Variants in SDK1 observed in about 807,000 individuals in gnomAD.
SDK1 encodes sidekick cell adhesion molecule 1, also known as protein sidekick-1.
Under a neutral mutation model 245.5 loss-of-function variants are expected in SDK1, and 157 were observed. The observed-to-expected ratio is 0.64, with a 90% CI of 0.56 to 0.73. The LOEUF is 0.73. Among genes scored for constraint, SDK1 ranks in the 30% least tolerant of loss-of-function variants. The probability of loss-of-function intolerance (pLI) is 0.00; values close to 1 mark genes in which losing one functional copy is unlikely to be tolerated. For synonymous variants in SDK1, 1,647 were observed against 1,278.5 expected (o/e 1.29, Z -6.15); for missense variants, 3,583 against 3,002.3 (o/e 1.19, Z -4.52).
In SDK1 at chr7:4,095,636, G is replaced by A. The variant is rs754449632; in HGVS notation, c.3325-15027G>A. 1.2e-4 allele frequency among the ~76,000 whole-genome samples: 19 copies of A among 152,106 alleles called. No individual in the cohort carries two copies. In the Middle Eastern group the frequency reaches 0.01, roughly 82 times the overall value. Reference sequence around the variant, plus strand: ...CTCACAGGCTGGAGTGCAGTGGCGCGATCTCAGCTCACTGCAACCTCCACC... The same window carrying A: ...CTCACAGGCTGGAGTGCAGTGGCGCAATCTCAGCTCACTGCAACCTCCACC... On this transcript the variant is annotated intron_variant, in intron 22 of 44. Transcript: ENST00000404826.
chr7:3,378,505 T>G (rs1053982350), intron 1 of SDK1, among the ~76,000 whole-genome samples: 1 of 151,990 alleles, frequency 6.6e-6, no homozygotes, highest in African/African-American at 2.4e-5. Flanking sequence ...GGGTCAGGAG[T>G]GTACACATAC....
intron 1 of SDK1, among the ~76,000 whole-genome samples, chr7:3,440,675 C>T (rs1583861462): frequency 6.6e-6 from 1 of 152,072 alleles, no homozygotes; most frequent in Non-Finnish European, 1.5e-5. Flanking sequence ...GGTGAACGTT[C>T]TTGACTTAAG....
chr7:3,355,204 A>T (rs1375812075), intron 1 of SDK1, among the ~76,000 whole-genome samples: 1 of 152,232 alleles, frequency 6.6e-6, no homozygotes, highest in African/African-American at 2.4e-5. Flanking sequence ...ATTCTCTGAA[A>T]CTAGACCTAA....
In SDK1 at chr7:3,421,695, T is replaced by C. The variant is rs1779540823; in HGVS notation, c.298+119811T>C. 2.0e-5 allele frequency among the ~76,000 whole-genome samples: 3 copies of C among 152,174 alleles called. No individual in the cohort carries two copies. In the East Asian group the frequency reaches 5.8e-4, roughly 29 times the overall value. ...GGCAGTGAGGTAGCTTTCTGTTGGC[T>C]CTTAGATGGGATCACATTCTTTGGG... On this transcript the variant is annotated intron_variant, in intron 1 of 44. Transcript: ENST00000404826.
At position 3,901,289 on chromosome 7, in the gene SDK1, C is replaced by T. The variant is rs193294966; in HGVS notation, c.848-49634C>T. ...GCAACCTCCGCCTCCCGGGTTCAAG[C>T]GATTCTCCTGCCTCAGCCTCCCGAG... On this transcript the variant is annotated intron_variant, in intron 5 of 44. Coordinates refer to ENST00000404826, the MANE Select transcript of SDK1 (RefSeq NM_152744.4). Among the ~76,000 whole-genome samples, 501 of 152,132 alleles carry T rather than the reference C, an allele frequency of 3.3e-3. 6 individuals carry two copies. The highest frequency in any genetic ancestry group is 0.012 in the African/African-American group (480 of 41,482).
intron 1 of SDK1, among the ~76,000 whole-genome samples, chr7:3,406,337 A>T (rs565923738): frequency 6.6e-6 from 1 of 152,334 alleles, no homozygotes; most frequent in South Asian, 2.1e-4. Flanking sequence ...CCCAGACAAT[A>T]TAAATAGCCC....
intron 1 of SDK1, among the ~76,000 whole-genome samples, chr7:3,504,565 G>C (rs1460205590): frequency 2.6e-5 from 4 of 152,114 alleles, no homozygotes; most frequent in African/African-American, 2.4e-5. Flanking sequence ...AACTGGGTAA[G>C]AATAGTCTTG....
chr7:3,962,887 A>G (rs758923628), intron 9 of SDK1, 36 bp downstream of exon 9: 1 of 1,527,656 alleles, frequency 6.5e-7, no homozygotes, highest in South Asian at 1.2e-5. Flanking sequence ...CCTGACCTGG[A>G]CGTATCCAGT....
intron 4 of SDK1, among the ~76,000 whole-genome samples, chr7:3,816,418 C>G (rs895146907): frequency 6.7e-6 from 1 of 148,378 alleles, no homozygotes; most frequent in East Asian, 2.0e-4. Flanking sequence ...GGGGATATCA[C>G]CACCGATCCC....
chr7:3,554,591 A>G (rs1779522984), intron 1 of SDK1, among the ~76,000 whole-genome samples: 1 of 152,220 alleles, frequency 6.6e-6, no homozygotes, highest in African/African-American at 2.4e-5. Context: ...CTTCATAAGA[A>G]CCAAGAATCA....
intron 1 of SDK1, among the ~76,000 whole-genome samples, chr7:3,499,652 C>A (rs890798109): frequency 6.6e-6 from 1 of 152,180 alleles, no homozygotes; most frequent in Non-Finnish European, 1.5e-5. Context: ...GTATACCCAT[C>A]GCTGTGTAAG....
intron 1 of SDK1, among the ~76,000 whole-genome samples, chr7:3,596,174 T>G (rs947352816): frequency 1.3e-5 from 2 of 152,176 alleles, no homozygotes; most frequent in South Asian, 4.1e-4. Context: ...TTTGGAGCGT[T>G]TCAGTCTGTC....
intron 1 of SDK1, among the ~76,000 whole-genome samples, chr7:3,434,405 A>G (rs1779958751): frequency 6.6e-6 from 1 of 152,206 alleles, no homozygotes; most frequent in Admixed American, 6.5e-5. Flanking sequence ...TATGTGCCCT[A>G]CGCCACTGTG....
chr7:3,632,283 G>A (rs1272638210), intron 2 of SDK1, among the ~76,000 whole-genome samples: 1 of 152,188 alleles, frequency 6.6e-6, no homozygotes, highest in Non-Finnish European at 1.5e-5. Context: ...AGGAATGAAT[G>A]ACGAATGCAT....
At chr7:3,559,447 C>T (rs935244348) in intron 1 of SDK1, among the ~76,000 whole-genome samples, 1 of 151,988 alleles carries the variant, frequency 6.6e-6, no homozygotes, top group African/African-American at 2.4e-5. Flanking sequence ...TTTCTTTTGC[C>T]AGAAAATGGA....
At chr7:4,234,489 AC>A (rs1007425991) in intron 41 of SDK1, among the ~76,000 whole-genome samples, 16 of 152,266 alleles carry the variant, frequency 1.1e-4, no homozygotes, top group African/African-American at 3.6e-4. Context: ...AAAGCCTACC[AC>A]AGGGGAAGGG....
chr7:3,328,725 C>G (rs1562417232), intron 1 of SDK1, among the ~76,000 whole-genome samples: 1 of 151,918 alleles, frequency 6.6e-6, no homozygotes, highest in Admixed American at 6.6e-5. Flanking sequence ...ACTTATGTGC[C>G]TTAGAAATCT....
intron 4 of SDK1, among the ~76,000 whole-genome samples, chr7:3,667,331 A>T (rs1044306995): frequency 1.3e-5 from 2 of 152,204 alleles, no homozygotes; most frequent in African/African-American, 4.8e-5. Context: ...TTTATTTTTT[A>T]TGAGTCACTT....
chr7:3,701,939 A>AAAAAAAG (rs1366268664), intron 4 of SDK1, among the ~76,000 whole-genome samples: 11 of 149,992 alleles, frequency 7.3e-5, no homozygotes, highest in African/African-American at 2.5e-4. Context: ...AAAAAAAAAA[A>AAAAAAAG]AAAAAAGAAA....
Sources: gnomAD v4.1 joint callset for allele counts (sites outside exome capture counted in the v4.1 genomes callset) on GRCh38, gnomAD v4.1.1 for gene constraint, MANE v1.5 for transcripts, NCBI Gene and HGNC (gene_info 2026-07-23, HGNC 2026-07-21) for gene names.